FGF13: variants seen among roughly 807,000 people sequenced by gnomAD.
FGF13 encodes fibroblast growth factor 13, also known as fibroblast growth factor homologous factor 2.
Under a neutral mutation model 19.5 loss-of-function variants are expected in FGF13, and 2 were observed. That is an observed-to-expected ratio of 0.10 (90% CI 0.04 to 0.32). FGF13 has a LOEUF of 0.32. Among genes scored for constraint, FGF13 ranks in the 10% least tolerant of loss-of-function variants. The probability of loss-of-function intolerance (pLI) is 1.00; values close to 1 mark genes in which losing one functional copy is unlikely to be tolerated. For synonymous variants in FGF13, 72 were observed against 76.9 expected (o/e 0.94, Z 0.33); for missense variants, 113 against 192.7 (o/e 0.59, Z 2.45).
At chrX:139,162,404 G>A (rs926191936) in intron 1 of FGF13, among the ~76,000 whole-genome samples, 14 of 111,975 alleles carry the variant, frequency 1.3e-4, no homozygotes, top group Non-Finnish European at 2.3e-4. Context: ...AACTCAAGAT[G>A]GATTAAACGT....
At chrX:139,204,790 C>G (rs1218849548), upstream of FGF13, 2 of 112,930 alleles carry the variant, frequency 1.8e-5, no homozygotes, top group Admixed American at 1.9e-4. Context: ...TTCTCGCCCG[C>G]GGGGAATGGG....
chrX:138,942,273 A>T (rs1423206729), intron 1 of FGF13, among the ~76,000 whole-genome samples: 1 of 111,514 alleles, frequency 9.0e-6, no homozygotes, highest in Non-Finnish European at 1.9e-5. Context: ...TAGCCTCCAT[A>T]TCTTATGTTC....
At chrX:139,079,233 T>C (rs1165704586) in intron 1 of FGF13, among the ~76,000 whole-genome samples, 4 of 111,147 alleles carry the variant, frequency 3.6e-5, no homozygotes, top group Non-Finnish European at 5.7e-5. Flanking sequence ...AGGCTGGCAT[T>C]AAGTATGATA....
chrX:138,641,545 A>G (rs1284713641), intron 3 of FGF13, among the ~76,000 whole-genome samples: 1 of 112,438 alleles, frequency 8.9e-6, no homozygotes, highest in Non-Finnish European at 1.9e-5. Context: ...TTAAAATTAG[A>G]TTTTCAACTC....
chrX:138,923,077 G>A (rs1328018364), intron 1 of FGF13, among the ~76,000 whole-genome samples: 1 of 112,416 alleles, frequency 8.9e-6, no homozygotes, highest in Non-Finnish European at 1.9e-5. Flanking sequence ...CAAGCATAAT[G>A]TCCCAGGACT....
chrX:139,126,703 G>A (rs752195219), intron 1 of FGF13, among the ~76,000 whole-genome samples: 30 of 112,047 alleles, frequency 2.7e-4, no homozygotes, highest in African/African-American at 9.4e-4. Flanking sequence ...CTGTGCTCCA[G>A]TAGACAGGTG....
At chrX:138,740,233 C>T (rs2090309663), upstream of FGF13, among the ~76,000 whole-genome samples, 1 of 111,123 alleles carries the variant, frequency 9.0e-6, no homozygotes, top group Non-Finnish European at 1.9e-5. Flanking sequence ...GGAAAACTGC[C>T]CTCGAGTCAG....
intron 1 of FGF13, among the ~76,000 whole-genome samples, chrX:138,969,501 A>T (rs932328252): frequency 8.9e-6 from 1 of 111,933 alleles, no homozygotes; most frequent in African/African-American, 3.3e-5. Flanking sequence ...ATCGAATAGG[A>T]CATAAAATTG....
chrX:138,945,835 T>C (rs969736355), intron 1 of FGF13, among the ~76,000 whole-genome samples: 1 of 112,024 alleles, frequency 8.9e-6, no homozygotes, highest in African/African-American at 3.2e-5. Context: ...TGTAGAAAAC[T>C]ATTACCAAAT....
rs183481061 is a variant in FGF13, at chrX:138,987,794, A to G, written c.-112-123144T>C. 5.4e-5 allele frequency among the ~76,000 whole-genome samples: 6 copies of G among 112,010 alleles called. No individual in the cohort carries two copies. The East Asian group carries it at 8.4e-4, about 16-fold the overall frequency. On this transcript the variant is annotated intron_variant, in intron 1 of 2. Transcript: ENST00000421460. ...TATGCAGCTTTTGGCTATAAAATACATGTACATTTTGATGATAAACTAAGC... is the reference window on the plus strand; with the variant it reads ...TATGCAGCTTTTGGCTATAAAATACGTGTACATTTTGATGATAAACTAAGC...
chrX:139,132,550 T>C (rs927803887), intron 1 of FGF13, among the ~76,000 whole-genome samples: 1 of 112,400 alleles, frequency 8.9e-6, no homozygotes, highest in African/African-American at 3.2e-5. Context: ...TTTTTATGAA[T>C]GATATGCACA....
chrX:138,671,850 A>G (rs1303573226), intron 3 of FGF13, among the ~76,000 whole-genome samples: 1 of 110,379 alleles, frequency 9.1e-6, no homozygotes, highest in Non-Finnish European at 1.9e-5. Flanking sequence ...ATAATAGATA[A>G]TGGGAGATAG....
chrX:139,054,746 T>C (rs1003380212), intron 1 of FGF13, among the ~76,000 whole-genome samples: 1 of 111,916 alleles, frequency 8.9e-6, no homozygotes, highest in Non-Finnish European at 1.9e-5. Flanking sequence ...GTCTATGATT[T>C]CTTTCAGCAG....
intron 1 of FGF13, among the ~76,000 whole-genome samples, chrX:138,868,201 G>C (rs2091339293): frequency 1.8e-5 from 2 of 111,425 alleles, no homozygotes; most frequent in African/African-American, 6.5e-5. Context: ...GAATTATCTA[G>C]GCAGCCTTTA....
chrX:138,979,188 G>C (rs1569434807), intron 1 of FGF13, among the ~76,000 whole-genome samples: 1 of 111,809 alleles, frequency 8.9e-6, no homozygotes, highest in Non-Finnish European at 1.9e-5. Flanking sequence ...ACTGTGACTG[G>C]ATAAAGAAAT....
intron 1 of FGF13, among the ~76,000 whole-genome samples, chrX:138,724,016 T>TA (rs1341581587): frequency 2.7e-5 from 3 of 111,867 alleles, no homozygotes; most frequent in African/African-American, 9.8e-5. Flanking sequence ...AACCAGCAAG[T>TA]GACACTATGT....
intron 3 of FGF13, among the ~76,000 whole-genome samples, chrX:138,845,055 T>C (rs1392905932): frequency 2.7e-5 from 3 of 111,563 alleles, no homozygotes; most frequent in Non-Finnish European, 5.7e-5. Context: ...ACCACAAATA[T>C]ATTGTTGAGC....
intron 1 of FGF13, among the ~76,000 whole-genome samples, chrX:138,865,463 CTCTCTCTCTCCT>C (rs1569414055): frequency 5.7e-5 from 5 of 88,419 alleles, no homozygotes; most frequent in South Asian, 5.1e-4. Flanking sequence ...CTCTCTCTCT[CTCTCTCTCTCCT>C]CTCTCTCTCT....
intron 1 of FGF13, among the ~76,000 whole-genome samples, chrX:139,013,531 A>C (rs1207684980): frequency 1.1e-5 from 1 of 88,590 alleles, no homozygotes; most frequent in East Asian, 3.6e-4. Flanking sequence ...ATATATATAT[A>C]AAATGAAATA....
Sources: gnomAD v4.1 joint callset for allele counts (sites outside exome capture counted in the v4.1 genomes callset) on GRCh38, gnomAD v4.1.1 for gene constraint, MANE v1.5 for transcripts, NCBI Gene and HGNC (gene_info 2026-07-23, HGNC 2026-07-21) for gene names.